The following STK32B variants were observed in gnomAD, a reference collection of about 807,000 sequenced individuals.
The protein encoded by STK32B is serine/threonine kinase 32B, also known as serine/threonine-protein kinase 32B.
STK32B carries 43 observed loss-of-function variants against 52.6 expected under a neutral mutation model. That is an observed-to-expected ratio of 0.82 (90% confidence interval 0.64 to 1.05). STK32B has a LOEUF of 1.05. Ranked by LOEUF, STK32B falls within the 50% of genes least tolerant of loss-of-function variation. The pLI is 0.00. For synonymous variants in STK32B, 238 were observed against 204.3 expected (o/e 1.17, Z -1.41); for missense variants, 621 against 534.6 (o/e 1.16, Z -1.59).
At chr4:5,465,913 C>T (rs1717392282) in intron 9 of STK32B, among the ~76,000 whole-genome samples, 1 of 152,122 alleles carries the variant, frequency 6.6e-6, no homozygotes, top group Non-Finnish European at 1.5e-5. Flanking sequence ...ATTATTAATT[C>T]CCTATATGGG....
intron 3 of STK32B, among the ~76,000 whole-genome samples, chr4:5,245,052 A>T (rs1301719283): frequency 3.3e-5 from 5 of 152,138 alleles, no homozygotes; most frequent in African/African-American, 7.2e-5. Flanking sequence ...TATTCTGTTG[A>T]TTTGGGGTGG....
chr4:5,168,502 A>G (rs1719070232), intron 3 of STK32B, 52 bp downstream of exon 3: 1 of 1,553,478 alleles, frequency 6.4e-7, no homozygotes, highest in Non-Finnish European at 8.7e-7. Context: ...GGGGAGCCAA[A>G]TGCAAATTCG....
chr4:5,164,087 G>T (rs2108730107), intron 2 of STK32B, among the ~76,000 whole-genome samples: 1 of 152,338 alleles, frequency 6.6e-6, no homozygotes, highest in South Asian at 2.1e-4. Context: ...CCCCTGGTGG[G>T]TGGCAGTGGT....
chr4:5,446,616 G>T, intron 6 of STK32B, 57 bp from the exon 7 acceptor site: 4 of 1,483,580 alleles, frequency 2.7e-6, no homozygotes, highest in Non-Finnish European at 3.8e-6. Flanking sequence ...CTCTCTAAGG[G>T]GTGGTGGCCA....
intron 9 of STK32B, among the ~76,000 whole-genome samples, chr4:5,461,188 C>T (rs372999428): frequency 2.7e-4 from 41 of 152,318 alleles, no homozygotes; most frequent in African/African-American, 9.6e-4. Flanking sequence ...CCTAGGAGAG[C>T]ACACCCCACC....
intron 3 of STK32B, among the ~76,000 whole-genome samples, chr4:5,317,780 A>G (rs1731206575): frequency 2.0e-5 from 3 of 151,742 alleles, no homozygotes; most frequent in African/African-American, 7.3e-5. Flanking sequence ...GTTAAGAGTT[A>G]TTGACTTAAA....
At chr4:5,246,060 C>T (rs184571161) in intron 3 of STK32B, among the ~76,000 whole-genome samples, 1 of 152,172 alleles carries the variant, frequency 6.6e-6, no homozygotes, top group African/African-American at 2.4e-5. Context: ...CTTGGAGTTG[C>T]TCTTCTCGAG....
At chr4:5,288,184 G>A (rs1254256015) in intron 3 of STK32B, among the ~76,000 whole-genome samples, 1 of 152,116 alleles carries the variant, frequency 6.6e-6, no homozygotes, top group Non-Finnish European at 1.5e-5. Context: ...CCTATTTTGA[G>A]TAATGCTACT....
intron 1 of STK32B, among the ~76,000 whole-genome samples, chr4:5,111,766 G>T (rs1714419870): frequency 6.6e-6 from 1 of 151,960 alleles, no homozygotes; most frequent in African/African-American, 2.4e-5. Flanking sequence ...TAAAAATAAA[G>T]AAAACGATGT....
chr4:5,114,435 T>C (rs1040129531), intron 1 of STK32B, among the ~76,000 whole-genome samples: 2 of 151,886 alleles, frequency 1.3e-5, no homozygotes, highest in Non-Finnish European at 2.9e-5. Flanking sequence ...GTGTCAGGCG[T>C]CCTGTTTTCT....
At chr4:5,155,743 C>G (rs1176962553) in intron 2 of STK32B, among the ~76,000 whole-genome samples, 2 of 152,082 alleles carry the variant, frequency 1.3e-5, no homozygotes, top group Non-Finnish European at 2.9e-5. Context: ...GAAGAAGGTG[C>G]CTGCTTTCCC....
In STK32B at chr4:5,219,894, C is replaced by T. The variant is rs76393151; in HGVS notation, c.260+51444C>T. Among the ~76,000 whole-genome samples the T allele has an allele frequency of 8.4e-3, 1,275 of 152,132 alleles. 35 individuals are homozygous for T. The highest frequency in any genetic ancestry group is 0.05 in the Admixed American group (761 of 15,288). On this transcript the variant is annotated intron_variant, in intron 3 of 11. Transcript: ENST00000282908. ...GCTTTGGTGCAGGACTGGTAGGGAGCGGACCCTCTGGAACAGGACAGTGGT... is the reference window on the plus strand; with the variant it reads ...GCTTTGGTGCAGGACTGGTAGGGAGTGGACCCTCTGGAACAGGACAGTGGT...
At chr4:5,412,389 G>A (rs1397785491) in intron 5 of STK32B, among the ~76,000 whole-genome samples, 1 of 152,212 alleles carries the variant, frequency 6.6e-6, no homozygotes, top group Non-Finnish European at 1.5e-5. Context: ...GGAAGTCACA[G>A]CTCATCAGTT....
At chr4:5,279,133 C>T (rs527367140) in intron 3 of STK32B, among the ~76,000 whole-genome samples, 5 of 152,326 alleles carry the variant, frequency 3.3e-5, no homozygotes, top group African/African-American at 1.2e-4. Flanking sequence ...AGTCTTAACT[C>T]ATTCCAGCAC....
intron 1 of STK32B, among the ~76,000 whole-genome samples, chr4:5,138,760 C>A (rs750361913): frequency 5.3e-5 from 8 of 152,128 alleles, no homozygotes; most frequent in Non-Finnish European, 1.5e-5. Context: ...GGGAGCCAGA[C>A]GTAGTCTGGA....
intron 3 of STK32B, among the ~76,000 whole-genome samples, chr4:5,207,186 CT>C (rs1722625309): frequency 6.6e-6 from 1 of 152,204 alleles, no homozygotes; most frequent in Admixed American, 6.5e-5. Flanking sequence ...CGAATTCCTT[CT>C]GAACTGTATT....
chr4:5,041,068 A>C, the STK32B span, among the ~76,000 whole-genome samples: 1 of 152,040 alleles, frequency 6.6e-6, no homozygotes, highest in Non-Finnish European at 1.5e-5. Context: ...CATTGTTATC[A>C]CTTCTGCTAC....
At chr4:5,104,862 A>G (rs1366907039) in intron 1 of STK32B, among the ~76,000 whole-genome samples, 1 of 152,148 alleles carries the variant, frequency 6.6e-6, no homozygotes, top group Non-Finnish European at 1.5e-5. Context: ...GTTTATTTCC[A>G]TTGGAGTTAT....
chr4:5,364,700 G>T (rs116569002), intron 4 of STK32B, among the ~76,000 whole-genome samples: 275 of 152,170 alleles, frequency 1.8e-3, no homozygotes, highest in African/African-American at 6.2e-3. Context: ...TAGGGAGAGG[G>T]ATCCCCAAAG....
Sources: gnomAD v4.1 joint callset for allele counts (sites outside exome capture counted in the v4.1 genomes callset) on GRCh38, gnomAD v4.1.1 for gene constraint, MANE v1.5 for transcripts, NCBI Gene and HGNC (gene_info 2026-07-23, HGNC 2026-07-21) for gene names.